The following PRKCA variants were observed in gnomAD, a reference collection of about 807,000 sequenced individuals.
PRKCA encodes the protein protein kinase C alpha type.
Under a neutral mutation model 87.0 loss-of-function variants are expected in PRKCA, and 27 were observed. The ratio of observed to expected loss-of-function variants is 0.31; its 90% CI spans 0.23 to 0.43. The LOEUF is 0.43. PRKCA is among the 20% of genes least tolerant of loss of function. The pLI is 1.00. For synonymous variants in PRKCA, 329 were observed against 311.1 expected (o/e 1.06, Z -0.61); for missense variants, 518 against 852.3 (o/e 0.61, Z 4.88).
intron 3 of PRKCA, among the ~76,000 whole-genome samples, chr17:66,509,559 A>T (rs948796628): frequency 6.6e-6 from 1 of 152,162 alleles, no homozygotes; most frequent in African/African-American, 2.4e-5. Flanking sequence ...AACAGATTGG[A>T]TGAGATCCAC....
chr17:66,771,939 T>C (rs1974943538), intron 13 of PRKCA, among the ~76,000 whole-genome samples: 1 of 152,196 alleles, frequency 6.6e-6, no homozygotes, highest in Non-Finnish European at 1.5e-5. Context: ...AATTGTTCTT[T>C]AATGAGCATG....
At chr17:66,535,743 T>C (rs368479878) in intron 3 of PRKCA, among the ~76,000 whole-genome samples, 20 of 152,300 alleles carry the variant, frequency 1.3e-4, no homozygotes, top group African/African-American at 4.3e-4. Context: ...CACAACAAGA[T>C]TTAAACAATT....
At chr17:66,646,227 T>A (rs1971450676) in intron 5 of PRKCA, among the ~76,000 whole-genome samples, 1 of 152,194 alleles carries the variant, frequency 6.6e-6, no homozygotes, top group South Asian at 2.1e-4. Context: ...GGGGCCTGGT[T>A]ACTCCCTCCT....
intron 5 of PRKCA, among the ~76,000 whole-genome samples, chr17:66,684,512 A>G (rs1972574927): frequency 6.6e-6 from 1 of 152,226 alleles, no homozygotes; most frequent in South Asian, 2.1e-4. Flanking sequence ...CTGTGATAAG[A>G]AATTGAAATT....
chr17:66,668,070 A>G (rs1972086684), intron 5 of PRKCA, among the ~76,000 whole-genome samples: 1 of 152,202 alleles, frequency 6.6e-6, no homozygotes, highest in Admixed American at 6.5e-5. Context: ...GATGCATGAA[A>G]AAACCAAAGT....
chr17:66,346,320 A>C (rs1907363072), intron 2 of PRKCA, among the ~76,000 whole-genome samples: 1 of 151,620 alleles, frequency 6.6e-6, no homozygotes, highest in Admixed American at 6.6e-5. Flanking sequence ...GATGGTCTCG[A>C]TCTCCTGACC....
intron 16 of PRKCA, among the ~76,000 whole-genome samples, chr17:66,796,255 T>C (rs1366595048): frequency 3.3e-5 from 5 of 152,234 alleles, no homozygotes; most frequent in African/African-American, 1.2e-4. Context: ...TGTATAAACG[T>C]ATACACAGAT....
intron 8 of PRKCA, among the ~76,000 whole-genome samples, chr17:66,697,595 C>A (rs1972956890): frequency 6.6e-6 from 1 of 152,318 alleles, no homozygotes; most frequent in Admixed American, 6.5e-5. Flanking sequence ...CCCAGCCATC[C>A]ACAACACTGC....
At chr17:66,419,902 T>G (rs1912387051) in intron 2 of PRKCA, among the ~76,000 whole-genome samples, 1 of 152,086 alleles carries the variant, frequency 6.6e-6, no homozygotes, top group Non-Finnish European at 1.5e-5. Flanking sequence ...TGACATCTTG[T>G]GCCCAGCACT....
intron 14 of PRKCA, chr17:66,777,292 AT>A: frequency 1.0e-6 from 1 of 984,970 alleles, no homozygotes; most frequent in Non-Finnish European, 1.2e-6. Flanking sequence ...CTTTCATTAT[AT>A]TTCCTAAATA....
intron 2 of PRKCA, among the ~76,000 whole-genome samples, chr17:66,474,395 A>G (rs1915451271): frequency 6.6e-6 from 1 of 152,222 alleles, no homozygotes; most frequent in African/African-American, 2.4e-5. Flanking sequence ...GTATCTATAT[A>G]CATTTGCTGG....
intron 2 of PRKCA, among the ~76,000 whole-genome samples, chr17:66,323,653 T>C (rs1235822659): frequency 1.3e-5 from 2 of 152,204 alleles, no homozygotes; most frequent in Non-Finnish European, 2.9e-5. Context: ...AAAGAATTGC[T>C]AATCAGATGG....
intron 2 of PRKCA, among the ~76,000 whole-genome samples, chr17:66,443,603 C>CT (rs2143886998): frequency 6.6e-6 from 1 of 152,170 alleles, no homozygotes; most frequent in East Asian, 1.9e-4. Context: ...CTCTATGAAA[C>CT]TGAGTCCACA....
chr17:66,778,152 C>G (rs1415063089), intron 14 of PRKCA: 2 of 985,216 alleles, frequency 2.0e-6, no homozygotes, highest in Admixed American at 1.2e-4. Flanking sequence ...CCAATATTTC[C>G]CACACTGCTT....
chr17:66,539,809 G>A (rs1967918683), intron 3 of PRKCA, among the ~76,000 whole-genome samples: 1 of 152,198 alleles, frequency 6.6e-6, no homozygotes, highest in Non-Finnish European at 1.5e-5. Flanking sequence ...TTGAAGGGAT[G>A]AGTTTCCTTG....
intron 2 of PRKCA, among the ~76,000 whole-genome samples, chr17:66,486,462 T>C (rs1250209313): frequency 6.6e-6 from 1 of 152,156 alleles, no homozygotes; most frequent in Admixed American, 6.5e-5. Context: ...TCTTATCTTT[T>C]CTCCTTGGCT....
At chr17:66,515,294 G>A (rs1342225715) in intron 3 of PRKCA, among the ~76,000 whole-genome samples, 2 of 147,562 alleles carry the variant, frequency 1.4e-5, no homozygotes, top group African/African-American at 5.0e-5. Context: ...AAAAAAGAAG[G>A]GAATGAATGT....
At chr17:66,322,638 T>TG (rs1491354648) in intron 2 of PRKCA, among the ~76,000 whole-genome samples, 1 of 119,548 alleles carries the variant, frequency 8.4e-6, no homozygotes, top group African/African-American at 3.7e-5. Context: ...AATTTTTAAT[T>TG]GTTTTTTTTT....
intron 3 of PRKCA, among the ~76,000 whole-genome samples, chr17:66,538,842 G>A (rs562775766): frequency 2.0e-5 from 3 of 152,306 alleles, no homozygotes; most frequent in Admixed American, 1.3e-4. Flanking sequence ...CTACCTGACA[G>A]TGTAATGTGC....
Sources: allele counts gnomAD v4.1 joint callset (sites outside exome capture counted in the v4.1 genomes callset), GRCh38; gene constraint gnomAD v4.1.1; transcripts MANE v1.5; gene names NCBI Gene and HGNC (gene_info 2026-07-23, HGNC 2026-07-21).